INSYN2B: variants seen among roughly 807,000 people sequenced by gnomAD.
INSYN2B encodes the protein inhibitory synaptic factor family member 2B.
INSYN2B carries 16 observed loss-of-function variants against 41.2 expected under a neutral mutation model. The observed-to-expected ratio is 0.39, with a 90% CI of 0.26 to 0.59. The LOEUF is 0.59. Among genes scored for constraint, INSYN2B ranks in the 20% least tolerant of loss-of-function variants. The pLI is 0.57. For missense variants in INSYN2B, 608 were observed against 646.4 expected (o/e 0.94, Z 0.64); for synonymous variants, 245 against 244.4 (o/e 1.00, Z -0.02).
At chr5:169,870,901 T>TATAC (rs3079668) in intron 3 of INSYN2B, among the ~76,000 whole-genome samples, 52,223 of 151,502 alleles carry the variant, frequency 0.34, 10,265 homozygotes, top group Non-Finnish European at 0.44. Flanking sequence ...CTGGGTGGCT[T>TATAC]ATACATACAT....
chr5:169,885,427 G>C (rs1772917124), intron 1 of INSYN2B, among the ~76,000 whole-genome samples: 1 of 152,164 alleles, frequency 6.6e-6, no homozygotes, highest in Non-Finnish European at 1.5e-5. Context: ...GAGGAGTGAA[G>C]GTCCTAGGGT....
At chr5:169,947,564 C>T (rs1490797451) in intron 1 of INSYN2B, among the ~76,000 whole-genome samples, 1 of 152,242 alleles carries the variant, frequency 6.6e-6, no homozygotes, top group East Asian at 1.9e-4. Context: ...GCCCTGGCAT[C>T]TGGGCCTTTC....
chr5:169,931,907 G>A (rs1238123799), intron 1 of INSYN2B, among the ~76,000 whole-genome samples: 1 of 152,154 alleles, frequency 6.6e-6, no homozygotes, highest in Non-Finnish European at 1.5e-5. Flanking sequence ...TGTGGGTCAG[G>A]GAAAATATCA....
At chr5:169,891,023 A>T (rs1320283501) in intron 1 of INSYN2B, among the ~76,000 whole-genome samples, 1 of 152,204 alleles carries the variant, frequency 6.6e-6, no homozygotes. Flanking sequence ...TCAGGGCCAC[A>T]ACCTTGAACA....
At chr5:169,935,600 C>T (rs1349343130) in intron 1 of INSYN2B, among the ~76,000 whole-genome samples, 5 of 152,162 alleles carry the variant, frequency 3.3e-5, no homozygotes, top group South Asian at 4.1e-4. Context: ...AGTTTTATCA[C>T]GTCCTACCTA....
chr5:169,964,030 G>C (rs546005605), intron 1 of INSYN2B, among the ~76,000 whole-genome samples: 1 of 152,140 alleles, frequency 6.6e-6, no homozygotes, highest in Admixed American at 6.5e-5. Flanking sequence ...GATTGGGGGA[G>C]GGAGAAGGGG....
intron 3 of INSYN2B, among the ~76,000 whole-genome samples, chr5:169,871,563 G>C (rs1277189316): frequency 2.0e-5 from 3 of 152,198 alleles, no homozygotes; most frequent in Non-Finnish European, 2.9e-5. Flanking sequence ...ATTCTGCCAA[G>C]GGCATGTAAA....
rs562515124 is a variant in INSYN2B at position 169,891,761 on chromosome 5, G to A, written c.-918-6945C>T. Reference sequence around the variant, plus strand: ...GCACTTTGGGAGGTCAAGGCAGGTGGATCACAAGGTCAGGAGTTCAAGACC... The same window carrying A: ...GCACTTTGGGAGGTCAAGGCAGGTGAATCACAAGGTCAGGAGTTCAAGACC... On this transcript the variant is annotated intron_variant, in intron 1 of 3. Transcript: ENST00000377365. 2.7e-5 allele frequency among the ~76,000 whole-genome samples: 4 copies of A among 149,216 alleles called. No homozygotes were observed. In the South Asian group the frequency reaches 6.2e-4, roughly 23 times the overall value.
chr5:169,882,469 A>G lies in INSYN2B; in HGVS notation c.1346+84T>C, dbSNP rs897982149. The stretch of plus-strand genomic sequence containing the variant: ...CAAACATTTTGGAGACATTTTTACT[A>G]AAAGAAACCAAAGCTGTCTCTGCCC... On this transcript the variant is annotated intron_variant, in intron 2 of 3. Transcript: ENST00000377365. 18 of 1,214,556 alleles carry G rather than the reference A, an allele frequency of 1.5e-5. No individual in the cohort carries two copies. In the African/African-American group the frequency reaches 2.5e-4, roughly 17 times the overall value. 75.2% of individuals were successfully genotyped at this position (1,214,556 alleles called of 1,614,324 possible). A position where few individuals can be genotyped will look rare whatever the true frequency, so the allele number is the denominator to read the frequency against.
At chr5:169,905,012 C>T (rs60111366) in intron 1 of INSYN2B, among the ~76,000 whole-genome samples, 2,794 of 152,268 alleles carry the variant, frequency 0.018, 88 homozygotes, top group African/African-American at 0.064. Context: ...CTCAGTCACT[C>T]ATATGAAAAT....
Position 169,883,394 on chromosome 5 carries a change from C to A in INSYN2B, c.505G>T (p.Ala169Ser), listed in dbSNP as rs1772780818. 3 of 1,551,546 alleles carry A rather than the reference C, an allele frequency of 1.9e-6. No individual in the cohort carries two copies. The African/African-American group carries it at 4.1e-5, about 21-fold the overall frequency. ...ACCTTGGGGACCCTTGGGAGGAATG[C>A]ATGGGACACCTTGACCCTTCGAGGC... ...DGPRRVKVSH[A>S]FLPRVPKVQS... Residue 169 changes from alanine (A) to serine (S), a missense_variant, in exon 2 of 4, where the codon GCA becomes TCA. Physicochemically the swap from Ala to Ser is moderately conservative, Grantham distance 99 (BLOSUM62 1). Transcript: ENST00000377365.
At chr5:169,898,359 A>T (rs1460874684) in intron 1 of INSYN2B, among the ~76,000 whole-genome samples, 1 of 152,120 alleles carries the variant, frequency 6.6e-6, no homozygotes, top group African/African-American at 2.4e-5. Flanking sequence ...GGTGTACTGT[A>T]TGGTTAGGAG....
At chr5:169,898,622 T>C (rs1395466683) in intron 1 of INSYN2B, among the ~76,000 whole-genome samples, 1 of 152,142 alleles carries the variant, frequency 6.6e-6, no homozygotes, top group African/African-American at 2.4e-5. Context: ...TAACATAGTG[T>C]CTATCTTATC....
At position 169,961,203 on chromosome 5, in the gene INSYN2B, C is replaced by T. The variant is rs113514249; in HGVS notation, c.-919+19074G>A. Among the ~76,000 whole-genome samples the T allele has an allele frequency of 2.2e-3, 335 of 152,300 alleles. 3 individuals are homozygous for T. Among genetic ancestry groups the T allele is most frequent in the African/African-American group, 7.7e-3 (322 of 41,568 alleles). ...GAGGGGGCATAAATGGGTAGCCCCCCAAGGGCAATTAATGGATCATCATCA... is the reference window on the plus strand; with the variant it reads ...GAGGGGGCATAAATGGGTAGCCCCCTAAGGGCAATTAATGGATCATCATCA... On this transcript the variant is annotated intron_variant, in intron 1 of 3. Transcript: ENST00000377365.
At position 169,883,157 on chromosome 5, in the gene INSYN2B, T is replaced by C. The variant is rs1772763839; in HGVS notation, c.742A>G (p.Thr248Ala). Residue 248 changes from threonine to alanine, a missense_variant, in exon 2 of 4, where the codon ACT (threonine) becomes GCT (alanine). Transcript: ENST00000377365. ...DTRPGDGRRV[T>A]PLDSEKSTSC... is the part of the protein sequence containing the mutation. ...GTGGATTTTTCTGAATCTAGTGGAG[T>C]CACCCTTCTCCCATCACCTGGACGT... The C allele has an allele frequency of 1.3e-6, 2 of 1,551,344 alleles. No individual in the cohort carries two copies. The highest frequency in any genetic ancestry group is 2.4e-5 in the East Asian group (1 of 40,924).
At position 169,882,597 on chromosome 5, in the gene INSYN2B, C is replaced by T; in HGVS notation, c.1302G>A (p.Leu434=). 6.4e-7 allele frequency: 1 copy of T among 1,551,476 alleles called. No individual in the cohort carries two copies. The highest frequency in any genetic ancestry group is 8.7e-7 in the Non-Finnish European group (1 of 1,146,770). The change falls in exon 2 of 4, where the codon TTG becomes TTA. Residue 434 remains leucine (L), a synonymous_variant. Transcript: ENST00000377365. ...CTTTCTCCAAGTCTTGAATTACATT[C>T]AAAAGGACTTTAATTTTCTCTTGGT... ...HSNQEKIKVL[L]NVIQDLEKAR...
At chr5:169,970,129 T>C (rs140367516) in intron 1 of INSYN2B, among the ~76,000 whole-genome samples, 1 of 152,358 alleles carries the variant, frequency 6.6e-6, no homozygotes, top group East Asian at 1.9e-4. Context: ...ATTTTCATTA[T>C]GCAGAGTGAC....
At chr5:169,967,468 T>C (rs1240469401) in intron 1 of INSYN2B, among the ~76,000 whole-genome samples, 1 of 152,160 alleles carries the variant, frequency 6.6e-6, no homozygotes, top group Admixed American at 6.5e-5. Flanking sequence ...GTATAAGTTC[T>C]GTGTGGCCGG....
intron 1 of INSYN2B, among the ~76,000 whole-genome samples, chr5:169,965,761 AG>A (rs1299182238): frequency 3.3e-5 from 5 of 152,220 alleles, no homozygotes; most frequent in Non-Finnish European, 7.3e-5. Context: ...TTGGAGGTCT[AG>A]GCCTCTTTTG....
Sources: allele counts gnomAD v4.1 joint callset (sites outside exome capture counted in the v4.1 genomes callset), GRCh38; gene constraint gnomAD v4.1.1; transcripts MANE v1.5; gene names NCBI Gene and HGNC (gene_info 2026-07-23, HGNC 2026-07-21).